HDAC4: variants seen among roughly 807,000 people sequenced by gnomAD.
HDAC4 encodes histone deacetylase A.
HDAC4 carries 16 observed loss-of-function variants against 135.1 expected under a neutral mutation model. The ratio of observed to expected loss-of-function variants is 0.12; its 90% CI spans 0.08 to 0.18. The LOEUF (loss-of-function observed/expected upper bound fraction) is 0.18. HDAC4 is among the 10% of genes least tolerant of loss of function. HDAC4 has a pLI of 1.00. For synonymous variants in HDAC4, 685 were observed against 653.4 expected (o/e 1.05, Z -0.74); for missense variants, 1,143 against 1,511.8 (o/e 0.76, Z 4.05).
At chr2:239,092,578 G>A (rs913501699) in intron 17 of HDAC4, among the ~76,000 whole-genome samples, 2 of 152,204 alleles carry the variant, frequency 1.3e-5, no homozygotes, top group African/African-American at 2.4e-5. Context: ...GGGACCCTGG[G>A]GTTCAGAAGC....
intron 24 of HDAC4, among the ~76,000 whole-genome samples, chr2:239,062,027 G>C (rs987965175): frequency 3.3e-5 from 5 of 152,368 alleles, no homozygotes; most frequent in Middle Eastern, 3.4e-3. Flanking sequence ...CAGGGTCTTT[G>C]ATGGAAGTTG....
chr2:239,168,197 C>T (rs953832097), intron 5 of HDAC4, among the ~76,000 whole-genome samples: 1 of 152,188 alleles, frequency 6.6e-6, no homozygotes, highest in Non-Finnish European at 1.5e-5. Context: ...TTACACAGAG[C>T]AAAGGACTTG....
At chr2:239,376,386 G>C (rs1695009268) in intron 1 of HDAC4, among the ~76,000 whole-genome samples, 2 of 150,056 alleles carry the variant, frequency 1.3e-5, no homozygotes. Context: ...GCCCAGATGT[G>C]AGGAAGGTGC....
At chr2:239,063,920 G>A (rs1045841517) in intron 24 of HDAC4, among the ~76,000 whole-genome samples, 3 of 152,192 alleles carry the variant, frequency 2.0e-5, no homozygotes, top group Non-Finnish European at 4.4e-5. Context: ...TGGGTGAGCC[G>A]AGGCTCAGCG....
At position 239,340,096 on chromosome 2, in the gene HDAC4, G is replaced by T. The variant is rs568534353; in HGVS notation, c.22+12582C>A. ...GTTTCTAACACATTCAGGCCAGGAT[G>T]GTCCCTGCAGCAGTTGGGGCATGGG... On this transcript the variant is annotated intron_variant, in intron 2 of 26. Coordinates refer to ENST00000543185, the MANE Select transcript of HDAC4 (RefSeq NM_001378414.1). 8.5e-5 allele frequency among the ~76,000 whole-genome samples: 13 copies of T among 152,152 alleles called. No individual in the cohort carries two copies. In the South Asian group the frequency reaches 1.0e-3, roughly 12 times the overall value.
intron 18 of HDAC4, among the ~76,000 whole-genome samples, chr2:239,089,239 T>C (rs1294265686): frequency 1.3e-5 from 2 of 152,222 alleles, no homozygotes; most frequent in Non-Finnish European, 2.9e-5. Flanking sequence ...TACTTCAACA[T>C]GTCCCAAGAA....
rs527861951 is a variant in HDAC4, at chr2:239,368,533, C to T, written c.-219-15615G>A. 7.0e-4 allele frequency among the ~76,000 whole-genome samples: 106 copies of T among 152,254 alleles called. 1 individual carries two copies. Among genetic ancestry groups the T allele is most frequent in the Middle Eastern group, 6.8e-3 (2 of 294 alleles). On this transcript the variant is annotated intron_variant, in intron 1 of 26. Coordinates refer to ENST00000543185, the MANE Select transcript of HDAC4 (RefSeq NM_001378414.1). ...AAACTGGAAACTGACGTGTCCCAGC[C>T]GCCCACCCACTTCCTTCTCCATTGG...
intron 9 of HDAC4, among the ~76,000 whole-genome samples, chr2:239,135,392 G>T (rs544344137): frequency 6.6e-6 from 1 of 152,272 alleles, no homozygotes; most frequent in African/African-American, 2.4e-5. Flanking sequence ...AAAAGCACGC[G>T]GTGAGGACCA....
At chr2:239,065,574 G>A (rs1366675830) in intron 24 of HDAC4, among the ~76,000 whole-genome samples, 2 of 152,200 alleles carry the variant, frequency 1.3e-5, no homozygotes, top group African/African-American at 4.8e-5. Flanking sequence ...CCCCACTAAA[G>A]TGCCCTGTCA....
chr2:239,182,740 T>C (rs2044232911), intron 4 of HDAC4, among the ~76,000 whole-genome samples: 1 of 152,222 alleles, frequency 6.6e-6, no homozygotes, highest in Non-Finnish European at 1.5e-5. Context: ...ACGTCAGGCC[T>C]GTTTCTTGAT....
Position 239,051,498 on chromosome 2 carries a change from T to C in HDAC4, c.*1599A>G, listed in dbSNP as rs958270949. 39 of 152,444 alleles carry C rather than the reference T, an allele frequency of 2.6e-4. No individual in the cohort carries two copies. The highest frequency in any genetic ancestry group is 8.2e-4 in the African/African-American group (34 of 41,428). The allele number at this position is 152,444 out of a possible 1,614,324, so 9.4% of individuals were successfully genotyped here. On this transcript the variant is annotated 3_prime_UTR_variant, in exon 27 of 27. Coordinates refer to ENST00000543185, the MANE Select transcript of HDAC4 (RefSeq NM_001378414.1). ...TACCATTCAGAAAATTGCTAAATGG[T>C]GAGGAAAAATGTAAAATTCATAAAA...
At chr2:239,336,042 ACCCATTAAAT>A (rs897298134) in intron 2 of HDAC4, among the ~76,000 whole-genome samples, 4 of 152,252 alleles carry the variant, frequency 2.6e-5, no homozygotes, top group Non-Finnish European at 4.4e-5. Flanking sequence ...AATATTATAT[ACCCATTAAAT>A]GAAGAAACTA....
intron 2 of HDAC4, among the ~76,000 whole-genome samples, chr2:239,273,490 A>C (rs988245302): frequency 2.0e-5 from 3 of 152,178 alleles, no homozygotes; most frequent in African/African-American, 7.2e-5. Context: ...GAAGTCTTTT[A>C]CCTGATTCAG....
At chr2:239,214,922 G>A (rs1384492339) in intron 3 of HDAC4, among the ~76,000 whole-genome samples, 3 of 152,290 alleles carry the variant, frequency 2.0e-5, no homozygotes, top group South Asian at 2.1e-4. Context: ...GAGAGGCCGC[G>A]GGAGAAGCAA....
chr2:239,081,720 C>T (rs1203319068), intron 21 of HDAC4, among the ~76,000 whole-genome samples: 10 of 152,192 alleles, frequency 6.6e-5, no homozygotes, highest in African/African-American at 1.7e-4. Flanking sequence ...TTCCTGGGGC[C>T]GCCATGCAGC....
At chr2:239,066,277 A>AGGCCTGCTGGGCAGAAGAGCCCC (rs1415035313) in intron 24 of HDAC4, among the ~76,000 whole-genome samples, 7 of 152,324 alleles carry the variant, frequency 4.6e-5, no homozygotes, top group Admixed American at 3.9e-4. Flanking sequence ...AGCAGCAGAC[A>AGGCCTGCTGGGCAGAAGAGCCCC]GGCCTGCTGG....
intron 7 of HDAC4, among the ~76,000 whole-genome samples, chr2:239,147,545 G>A (rs576268262): frequency 9.2e-5 from 14 of 152,354 alleles, no homozygotes; most frequent in African/African-American, 3.1e-4. Flanking sequence ...CCGCCCTCGC[G>A]GGCCTTCCAC....
intron 4 of HDAC4, 46 bp downstream of exon 4, chr2:239,189,786 AG>A: frequency 6.4e-7 from 1 of 1,561,438 alleles, no homozygotes; most frequent in Non-Finnish European, 8.7e-7. Flanking sequence ...CCGGGAGTTG[AG>A]GGTGCCGGAG....
intron 12 of HDAC4, among the ~76,000 whole-genome samples, chr2:239,122,804 G>A (rs1181076581): frequency 6.6e-6 from 1 of 152,198 alleles, no homozygotes; most frequent in Non-Finnish European, 1.5e-5. Flanking sequence ...TGCCCTCTAA[G>A]GTACAGGCTG....
Sources: gnomAD v4.1 joint callset for allele counts (sites outside exome capture counted in the v4.1 genomes callset) on GRCh38, gnomAD v4.1.1 for gene constraint, MANE v1.5 for transcripts, NCBI Gene and HGNC (gene_info 2026-07-23, HGNC 2026-07-21) for gene names.